RAB38: variants seen among roughly 807,000 people sequenced by gnomAD.
The protein encoded by RAB38 is RAB38, member RAS oncogene family.
RAB38 carries 15 observed loss-of-function variants against 18.4 expected under a neutral mutation model. The observed-to-expected ratio is 0.82, with a 90% CI of 0.55 to 1.26. The LOEUF is 1.26. RAB38 is among the 50% of genes most tolerant of loss of function. The pLI is 0.00. For missense variants in RAB38, 294 were observed against 267.4 expected (o/e 1.10, Z -0.69); for synonymous variants, 101 against 104.4 (o/e 0.97, Z 0.20).
chr11:87,847,157 A>C, the RAB38 span, among the ~76,000 whole-genome samples: 3 of 152,046 alleles, frequency 2.0e-5, no homozygotes, highest in African/African-American at 7.2e-5. Context: ...TTATAAAGAA[A>C]ACCCAGAAAT....
chr11:87,892,658 G>A, the RAB38 span, among the ~76,000 whole-genome samples: 1 of 151,720 alleles, frequency 6.6e-6, no homozygotes, highest in South Asian at 2.1e-4. Flanking sequence ...TTAAACACCT[G>A]AGGAATTGAT....
the RAB38 span, chr11:88,098,622 A>T: frequency 6.6e-6 from 1 of 151,994 alleles, no homozygotes; most frequent in African/African-American, 2.4e-5. Flanking sequence ...TTAATGCAAC[A>T]TAACTTTTTG....
intron 1 of RAB38, among the ~76,000 whole-genome samples, chr11:88,163,156 C>G (rs1463642455): frequency 6.6e-6 from 1 of 152,156 alleles, no homozygotes; most frequent in African/African-American, 2.4e-5. Context: ...ACTGTAGATT[C>G]CTTGAGTCCA....
chr11:87,906,074 G>A, the RAB38 span, among the ~76,000 whole-genome samples: 2,103 of 151,988 alleles, frequency 0.014, 47 homozygotes, highest in African/African-American at 0.049. Context: ...TCATGGTTGT[G>A]TTCTGAAAAT....
chr11:88,173,478 T>C, intron 1 of RAB38: 1 of 959,848 alleles, frequency 1.0e-6, no homozygotes, highest in Non-Finnish European at 1.2e-6. Context: ...CTCTGGAATT[T>C]GGGCTATTAA....
intron 1 of RAB38, among the ~76,000 whole-genome samples, chr11:88,163,671 A>C (rs1943213750): frequency 6.6e-6 from 1 of 152,160 alleles, no homozygotes; most frequent in African/African-American, 2.4e-5. Flanking sequence ...TGTTGTTCAT[A>C]ATTACCTTAT....
At chr11:87,835,142 C>T in the RAB38 span, among the ~76,000 whole-genome samples, 14 of 152,260 alleles carry the variant, frequency 9.2e-5, no homozygotes, top group Admixed American at 2.6e-4. Context: ...ATTGGAGAAA[C>T]GAATGTATTG....
the RAB38 span, among the ~76,000 whole-genome samples, chr11:87,973,015 A>G: frequency 2.0e-5 from 3 of 151,856 alleles, no homozygotes; most frequent in South Asian, 4.1e-4. Flanking sequence ...AGACCTGCCT[A>G]TATTTCCCTT....
intron 2 of RAB38, among the ~76,000 whole-genome samples, chr11:88,131,147 T>C (rs940027156): frequency 2.0e-5 from 3 of 152,190 alleles, no homozygotes; most frequent in South Asian, 2.1e-4. Flanking sequence ...GGGGATATTA[T>C]GAACATCCTT....
chr11:87,875,349 A>G, the RAB38 span, among the ~76,000 whole-genome samples: 1 of 151,566 alleles, frequency 6.6e-6, no homozygotes, highest in South Asian at 2.1e-4. Flanking sequence ...AGGTGAGAAA[A>G]ATAAAATAAA....
the RAB38 span, among the ~76,000 whole-genome samples, chr11:88,063,576 T>A: frequency 2.0e-4 from 31 of 152,124 alleles, no homozygotes; most frequent in Non-Finnish European, 4.3e-4. Context: ...GGTGTCGATA[T>A]GGTTTGGCTC....
the RAB38 span, among the ~76,000 whole-genome samples, chr11:87,936,727 T>A: frequency 6.6e-6 from 1 of 152,148 alleles, no homozygotes; most frequent in African/African-American, 2.4e-5. Flanking sequence ...CTTGGTGGGA[T>A]TGTGGTAGAA....
At chr11:87,923,425 A>T in the RAB38 span, among the ~76,000 whole-genome samples, 1 of 151,850 alleles carries the variant, frequency 6.6e-6, no homozygotes, top group South Asian at 2.1e-4. Context: ...GAAATAATTT[A>T]TTTATTTATT....
the RAB38 span, among the ~76,000 whole-genome samples, chr11:88,006,626 A>AATAT: frequency 9.9e-3 from 1,427 of 143,504 alleles, 22 homozygotes; most frequent in African/African-American, 0.033. Context: ...ATGTATATAT[A>AATAT]ATATATATAT....
At chr11:87,893,151 G>C in the RAB38 span, among the ~76,000 whole-genome samples, 1 of 151,062 alleles carries the variant, frequency 6.6e-6, no homozygotes, top group Non-Finnish European at 1.5e-5. Flanking sequence ...CTTTCTCTTC[G>C]TCTTTCATTG....
At chr11:87,841,323 T>C in the RAB38 span, among the ~76,000 whole-genome samples, 2 of 152,104 alleles carry the variant, frequency 1.3e-5, no homozygotes, top group African/African-American at 4.8e-5. Context: ...GATGGTTTCA[T>C]GAGAGACTTT....
At chr11:87,841,567 T>C in the RAB38 span, among the ~76,000 whole-genome samples, 1 of 152,160 alleles carries the variant, frequency 6.6e-6, no homozygotes, top group Non-Finnish European at 1.5e-5. Flanking sequence ...AGCAGAAGAG[T>C]GTGTATTCTC....
the RAB38 span, among the ~76,000 whole-genome samples, chr11:88,013,182 A>C: frequency 6.6e-6 from 1 of 150,446 alleles, no homozygotes; most frequent in African/African-American, 2.4e-5. Flanking sequence ...ATGAAACTTT[A>C]ATAGTTATCT....
the RAB38 span, among the ~76,000 whole-genome samples, chr11:87,951,306 T>G: frequency 1.3e-5 from 2 of 152,238 alleles, no homozygotes; most frequent in African/African-American, 4.8e-5. Context: ...ATTTTTTTTT[T>G]CAAAGCTTTT....
Sources: gnomAD v4.1 joint callset for allele counts (sites outside exome capture counted in the v4.1 genomes callset) on GRCh38, gnomAD v4.1.1 for gene constraint, MANE v1.5 for transcripts, NCBI Gene and HGNC (gene_info 2026-07-23, HGNC 2026-07-21) for gene names.